Variants in SLC49A4 observed in about 807,000 individuals in gnomAD.
SLC49A4 encodes solute carrier family 49 member 4.
A neutral mutation model predicts 50.6 loss-of-function variants in SLC49A4; 36 were observed. The observed-to-expected ratio is 0.71, with a 90% CI of 0.55 to 0.94. SLC49A4 has a LOEUF of 0.94. SLC49A4 is among the 40% of genes least tolerant of loss of function. The probability of loss-of-function intolerance (pLI) is 0.00; values close to 1 mark genes in which losing one functional copy is unlikely to be tolerated. For missense variants in SLC49A4, 503 were observed against 605.7 expected, an observed-to-expected ratio of 0.83 and a Z score of 1.78; for synonymous variants, 248 against 241.2, an observed-to-expected ratio of 1.03 and a Z score of -0.26.
Position 122,795,501 on chromosome 3 carries a change from C to G in SLC49A4, c.309C>G (p.Pro103=). 1 of 1,602,754 alleles carries G rather than the reference C, an allele frequency of 6.2e-7. No homozygotes were observed. Among genetic ancestry groups the G allele is most frequent in the Non-Finnish European group, 8.5e-7 (1 of 1,178,536 alleles). Residue 103 remains proline, a synonymous_variant, in exon 1 of 9, where the codon CCC becomes CCG. Transcript: ENST00000261038. ...LVLWGPIGFL[P]CFAFMWLLDK... ...TGTGGGGGCCCATCGGCTTCCTGCC[C>G]TGCTTCGCGTTCATGTGGCTCCTGG...
intron 7 of SLC49A4, among the ~76,000 whole-genome samples, chr3:122,863,492 T>C (rs1026032814): frequency 8.5e-5 from 13 of 152,226 alleles, no homozygotes; most frequent in African/African-American, 2.9e-4. Flanking sequence ...AGGGCATGTT[T>C]TAAATGGAAC....
intron 1 of SLC49A4, 31 bp downstream of exon 1, chr3:122,795,566 G>C (rs202068675): frequency 1.9e-6 from 3 of 1,566,792 alleles, no homozygotes; most frequent in East Asian, 4.7e-5. Flanking sequence ...AGCCCGCGCT[G>C]TCTCTCCTCC....
At chr3:122,831,142 G>T (rs1028148447) in intron 3 of SLC49A4, among the ~76,000 whole-genome samples, 7 of 152,104 alleles carry the variant, frequency 4.6e-5, no homozygotes, top group African/African-American at 1.7e-4. Context: ...TGGCAAGAAA[G>T]TGGAGAAATT....
At chr3:122,834,184 T>C (rs1936643987) in intron 4 of SLC49A4, among the ~76,000 whole-genome samples, 1 of 152,210 alleles carries the variant, frequency 6.6e-6, no homozygotes, top group Admixed American at 6.5e-5. Flanking sequence ...ATTGGTTCTT[T>C]CTTTTCTTGG....
intron 2 of SLC49A4, among the ~76,000 whole-genome samples, chr3:122,821,033 G>A (rs1284512137): frequency 1.3e-5 from 2 of 152,204 alleles, no homozygotes; most frequent in African/African-American, 4.8e-5. Context: ...TCTTGTGATA[G>A]TGTGTGAGTG....
At chr3:122,828,056 G>C (rs954246547) in intron 3 of SLC49A4, among the ~76,000 whole-genome samples, 6 of 152,150 alleles carry the variant, frequency 3.9e-5, no homozygotes, top group African/African-American at 1.4e-4. Flanking sequence ...TTTGGGTATG[G>C]GTAACAAGTG....
rs1024476999 is a variant in SLC49A4 at position 122,813,318 on chromosome 3, G to T, written c.437+6368G>T. ...TTTTTTTAACCTTTTTGTTGTTTTT[G>T]AAATACGGTTATTTATGAGACATTT... On this transcript the variant is annotated intron_variant, in intron 2 of 8. Transcript: ENST00000261038. Among the ~76,000 whole-genome samples, 4 of 148,908 alleles carry T rather than the reference G, an allele frequency of 2.7e-5. No individual in the cohort carries two copies. The South Asian group carries it at 8.4e-4, about 31-fold the overall frequency.
At chr3:122,841,370 A>C (rs1457647350) in intron 4 of SLC49A4, among the ~76,000 whole-genome samples, 1 of 152,184 alleles carries the variant, frequency 6.6e-6, no homozygotes, top group Non-Finnish European at 1.5e-5. Flanking sequence ...CACAAATTAC[A>C]ATGTCACATG....
chr3:122,879,495 A>G lies in SLC49A4; in HGVS notation c.*117A>G. Reference sequence around the variant, plus strand: ...GGGAGAAGAAAGAAACTTCATTCAGAGGTTTTGTTAGGTTACAGATTATCA... The same window carrying G: ...GGGAGAAGAAAGAAACTTCATTCAGGGGTTTTGTTAGGTTACAGATTATCA... On this transcript the variant is annotated 3_prime_UTR_variant, in exon 9 of 9. Coordinates refer to ENST00000261038, the MANE Select transcript of SLC49A4 (RefSeq NM_032839.3). 1.4e-6 allele frequency: 1 copy of G among 716,452 alleles called. No homozygotes were observed. Among genetic ancestry groups the G allele is most frequent in the Non-Finnish European group, 2.4e-6 (1 of 424,244 alleles). The allele number at this position is 716,452 out of a possible 1,614,324, so 44.4% of individuals were successfully genotyped here. A position where few individuals can be genotyped will look rare whatever the true frequency, so the allele number is the denominator to read the frequency against.
At chr3:122,842,355 G>T (rs1936782460) in intron 4 of SLC49A4, among the ~76,000 whole-genome samples, 1 of 151,874 alleles carries the variant, frequency 6.6e-6, no homozygotes, top group African/African-American at 2.4e-5. Flanking sequence ...GCTTGGTAGC[G>T]GGTGCCTGTA....
chr3:122,866,200 C>T (rs1354035260), intron 7 of SLC49A4, among the ~76,000 whole-genome samples: 2 of 141,616 alleles, frequency 1.4e-5, no homozygotes, highest in East Asian at 2.2e-4. Flanking sequence ...AGCTAACTTT[C>T]GTTGTTTTTT....
intron 8 of SLC49A4, among the ~76,000 whole-genome samples, chr3:122,875,428 G>GCCT (rs1937253803): frequency 6.6e-6 from 1 of 152,100 alleles, no homozygotes; most frequent in African/African-American, 2.4e-5. Flanking sequence ...ATGGCTCACT[G>GCCT]CAACGTTGGC....
At chr3:122,822,452 T>C (rs1328352822) in intron 2 of SLC49A4, among the ~76,000 whole-genome samples, 1 of 152,234 alleles carries the variant, frequency 6.6e-6, no homozygotes, top group Non-Finnish European at 1.5e-5. Flanking sequence ...CATCTGTTTC[T>C]TCTAGAAATA....
At chr3:122,831,451 C>T (rs1430965673) in intron 3 of SLC49A4, among the ~76,000 whole-genome samples, 2 of 152,060 alleles carry the variant, frequency 1.3e-5, no homozygotes, top group Non-Finnish European at 1.5e-5. Context: ...TACTAAAGTA[C>T]TGATACATAC....
intron 2 of SLC49A4, among the ~76,000 whole-genome samples, chr3:122,820,297 G>A (rs1438161558): frequency 6.6e-6 from 1 of 152,184 alleles, no homozygotes; most frequent in Non-Finnish European, 1.5e-5. Context: ...CCATTAGCTA[G>A]TTGTATGACT....
chr3:122,825,628 G>A (rs117434611), intron 2 of SLC49A4, among the ~76,000 whole-genome samples: 1 of 149,134 alleles, frequency 6.7e-6, no homozygotes, highest in East Asian at 2.0e-4. Flanking sequence ...GGCTTAAGAT[G>A]GCAGTTTAAA....
intron 4 of SLC49A4, among the ~76,000 whole-genome samples, chr3:122,844,626 A>T (rs1281840265): frequency 6.6e-6 from 1 of 152,102 alleles, no homozygotes; most frequent in East Asian, 1.9e-4. Flanking sequence ...TACTAAAAAT[A>T]CAAAAATTAG....
At chr3:122,853,113 A>G (rs958842944) in intron 5 of SLC49A4, among the ~76,000 whole-genome samples, 2 of 152,214 alleles carry the variant, frequency 1.3e-5, no homozygotes, top group African/African-American at 2.4e-5. Flanking sequence ...AGAAAGTCCA[A>G]GATCAAGGTT....
At chr3:122,858,908 AGAT>A (rs1937023722) in intron 6 of SLC49A4, among the ~76,000 whole-genome samples, 1 of 152,224 alleles carries the variant, frequency 6.6e-6, no homozygotes, top group Admixed American at 6.5e-5. Flanking sequence ...CGTCTCTACC[AGAT>A]GCCCTTTAGT....
Sources: gnomAD v4.1 joint callset for allele counts (sites outside exome capture counted in the v4.1 genomes callset) on GRCh38, gnomAD v4.1.1 for gene constraint, MANE v1.5 for transcripts, NCBI Gene and HGNC (gene_info 2026-07-23, HGNC 2026-07-21) for gene names.